Variants in FAP observed in about 807,000 individuals in gnomAD.
FAP encodes the protein fibroblast activation protein alpha.
In FAP, 110 loss-of-function variants were observed where a neutral mutation model predicts 126.5. The observed-to-expected ratio is 0.87, with a 90% CI of 0.74 to 1.02. The LOEUF (loss-of-function observed/expected upper bound fraction) is 1.02, where lower values mean the gene tolerates loss of function less well. Ranked by LOEUF, FAP falls within the 50% of genes least tolerant of loss-of-function variation. The pLI is 0.00. For synonymous variants in FAP, 334 were observed against 297.3 expected, an observed-to-expected ratio of 1.12 and a Z score of -1.27; for missense variants, 919 against 909.2, an observed-to-expected ratio of 1.01 and a Z score of -0.14.
intron 7 of FAP, 91 bp downstream of exon 7, chr2:162,219,762 T>C: frequency 1.2e-6 from 1 of 840,898 alleles, no homozygotes; most frequent in Admixed American, 2.2e-5. Context: ...TATTTTTTTT[T>C]CTTTCAGGCA....
In FAP at chr2:162,183,441, A is replaced by G. The variant is rs1410792003; in HGVS notation, c.1842T>C (p.Asp614=). 1 of 1,610,916 alleles carries G rather than the reference A, an allele frequency of 6.2e-7. No homozygotes were observed. The highest frequency in any genetic ancestry group is 1.7e-5 in the Admixed American group (1 of 59,798). The change falls in exon 21 of 26, where the codon GAT becomes GAC. Residue 614 remains aspartate (D), a synonymous_variant. Coordinates refer to ENST00000188790, the MANE Select transcript of FAP (RefSeq NM_004460.5). The part of the protein sequence containing the change: ...VRKFIEMGFI[D]EKRIAIWGWS... ...AGCCCCATATGGCTATTCTTTTTTC[A>G]TCAATGAAACCCATTTCTATGAATT...
chr2:162,173,332 G>T (rs1687380382), intron 23 of FAP, 111 bp from the exon 24 acceptor site: 5 of 764,652 alleles, frequency 6.5e-6, no homozygotes, highest in Non-Finnish European at 1.1e-5. Flanking sequence ...GTATTGCTTT[G>T]CTTGATAAAT....
intron 15 of FAP, among the ~76,000 whole-genome samples, chr2:162,199,327 A>G (rs1688398184): frequency 6.6e-6 from 1 of 152,184 alleles, no homozygotes; most frequent in Non-Finnish European, 1.5e-5. Context: ...GGATGGGGAA[A>G]TTAATAATAA....
At chr2:162,212,173 T>C (rs183282602) in intron 11 of FAP, among the ~76,000 whole-genome samples, 2 of 152,348 alleles carry the variant, frequency 1.3e-5, no homozygotes, top group Non-Finnish European at 2.9e-5. Context: ...TAAAGTTGTC[T>C]CAGATTTTGA....
intron 6 of FAP, among the ~76,000 whole-genome samples, chr2:162,222,042 C>T (rs1689426363): frequency 6.6e-6 from 1 of 151,878 alleles, no homozygotes; most frequent in Admixed American, 6.6e-5. Flanking sequence ...ATTAAATTCA[C>T]TGCAGAGAAT....
intron 10 of FAP, among the ~76,000 whole-genome samples, chr2:162,214,948 T>G (rs1450156819): frequency 6.6e-6 from 1 of 152,282 alleles, no homozygotes; most frequent in East Asian, 1.9e-4. Flanking sequence ...TATTTTATTG[T>G]TAGTATTTTA....
At chr2:162,208,862 A>G (rs1334595495) in intron 12 of FAP, among the ~76,000 whole-genome samples, 1 of 147,722 alleles carries the variant, frequency 6.8e-6, no homozygotes, top group Non-Finnish European at 1.5e-5. Context: ...TATCTTTATT[A>G]TCTTGTTACC....
chr2:162,221,179 C>A (rs1559787644), intron 6 of FAP, among the ~76,000 whole-genome samples: 1 of 152,056 alleles, frequency 6.6e-6, no homozygotes, highest in African/African-American at 2.4e-5. Flanking sequence ...CGCCAGAGGG[C>A]AGTACATGAG....
chr2:162,188,948 C>T (rs187088295), intron 19 of FAP, among the ~76,000 whole-genome samples, 155 bp downstream of exon 19: 83 of 152,118 alleles, frequency 5.5e-4, no homozygotes, highest in Admixed American at 7.2e-4. Context: ...TTTAAATAGC[C>T]ATATTTTATT....
At chr2:162,232,192 G>T (rs1055255613) in intron 2 of FAP, among the ~76,000 whole-genome samples, 17 of 152,172 alleles carry the variant, frequency 1.1e-4, no homozygotes, top group African/African-American at 4.1e-4. Flanking sequence ...ATGAGTAATA[G>T]AAAGTGTTAT....
intron 5 of FAP, 106 bp from the exon 6 acceptor site, chr2:162,223,766 G>A (rs1464049131): frequency 1.4e-6 from 1 of 723,652 alleles, no homozygotes; most frequent in Non-Finnish European, 2.5e-6. Flanking sequence ...ATTATAAAAG[G>A]ACTACTTTCA....
At chr2:162,235,965 G>C (rs1690113144) in intron 2 of FAP, among the ~76,000 whole-genome samples, 1 of 152,106 alleles carries the variant, frequency 6.6e-6, no homozygotes, top group Non-Finnish European at 1.5e-5. Flanking sequence ...AGGTGTCTTT[G>C]ATAAGGTTGG....
At chr2:162,172,417 T>G (rs374697296) in intron 25 of FAP, 2 of 169,734 alleles carry the variant, frequency 1.2e-5, no homozygotes, top group East Asian at 1.5e-4. Flanking sequence ...CTTGGAGGTT[T>G]GTGATGACAT....
rs1281343454 is a variant in FAP at position 162,224,448 on chromosome 2, A to G, written c.360+18T>C. ...GTAGGAGATACAATTGGATATAACC[A>G]AATTAAATAGTTGATACCTTTGAAT... is the stretch of plus-strand genomic sequence containing the variant. On this transcript the variant is annotated intron_variant, in intron 5 of 25. Transcript: ENST00000188790. 1 of 1,492,046 alleles carries G rather than the reference A, an allele frequency of 6.7e-7. No individual in the cohort carries two copies. Among genetic ancestry groups the G allele is most frequent in the Non-Finnish European group, 9.2e-7 (1 of 1,086,988 alleles). The allele number at this position is 1,492,046 out of a possible 1,614,324, so 92.4% of individuals were successfully genotyped here. A position where few individuals can be genotyped will look rare whatever the true frequency, so the allele number is the denominator to read the frequency against.
intron 21 of FAP, among the ~76,000 whole-genome samples, chr2:162,182,226 T>G (rs1687717137): frequency 6.6e-6 from 1 of 152,190 alleles, no homozygotes; most frequent in Non-Finnish European, 1.5e-5. Context: ...TAAAAAGTTC[T>G]ACTTTATGGT....
chr2:162,222,740 A>G (rs1689464310), intron 6 of FAP, among the ~76,000 whole-genome samples: 1 of 152,202 alleles, frequency 6.6e-6, no homozygotes. Context: ...TATTGTCATC[A>G]GAAAGAAAGA....
Position 162,200,580 on chromosome 2 carries a change from T to C in FAP, c.1263A>G (p.Arg421=). 1.4e-6 allele frequency: 2 copies of C among 1,478,730 alleles called. No individual in the cohort carries two copies. The highest frequency in any genetic ancestry group is 1.9e-6 in the Non-Finnish European group (2 of 1,079,108). 91.6% of individuals were successfully genotyped at this position (1,478,730 alleles called of 1,614,324 possible). The change falls in exon 15 of 26, where the codon AGA becomes AGG. Residue 421 remains arginine (R), a synonymous_variant. Transcript: ENST00000188790. The stretch of plus-strand genomic sequence containing the variant: ...ACATAAATTACCTGTAGATGTTTCT[T>C]CTTCCAGGGTATTCTTCAAATTCAT... ...SSNEFEEYPG[R]RNIYRISIGS... is the part of the protein sequence containing the mutation.
In FAP at chr2:162,225,612, C is replaced by T. The variant is rs377665260; in HGVS notation, c.191-35G>A. ...AGAAAGAAAACAAAATGTAAATGAT[C>T]TCTCTTAACATGAAATACATTCCTA... On this transcript the variant is annotated intron_variant, in intron 3 of 25. Coordinates refer to ENST00000188790, the MANE Select transcript of FAP (RefSeq NM_004460.5). The T allele has an allele frequency of 3.5e-5, 54 of 1,551,674 alleles. No homozygotes were observed. The African/African-American group carries it at 7.0e-4, about 20-fold the overall frequency.
intron 17 of FAP, among the ~76,000 whole-genome samples, 160 bp downstream of exon 17, chr2:162,194,541 A>C (rs80104681): frequency 2.6e-5 from 4 of 152,166 alleles, no homozygotes; most frequent in Non-Finnish European, 5.9e-5. Flanking sequence ...ATTTGACCCA[A>C]ATAATATCCA....
Sources: allele counts gnomAD v4.1 joint callset (sites outside exome capture counted in the v4.1 genomes callset), GRCh38; gene constraint gnomAD v4.1.1; transcripts MANE v1.5; gene names NCBI Gene and HGNC (gene_info 2026-07-23, HGNC 2026-07-21).